The following SNUPN variants were observed in gnomAD, a reference collection of about 807,000 sequenced individuals.
SNUPN encodes the protein snurportin 1, also known as snurportin-1.
A neutral mutation model predicts 39.2 loss-of-function variants in SNUPN; 31 were observed. That is an observed-to-expected ratio of 0.79 (90% CI 0.59 to 1.07). The LOEUF (loss-of-function observed/expected upper bound fraction) is 1.07. SNUPN is among the 50% of genes least tolerant of loss of function. SNUPN has a pLI of 0.00. For synonymous variants in SNUPN, 132 were observed against 159.0 expected, an observed-to-expected ratio of 0.83 and a Z score of 1.28; for missense variants, 382 against 434.2, an observed-to-expected ratio of 0.88 and a Z score of 1.07.
chr15:75,611,700 C>T (rs986662914), intron 3 of SNUPN, among the ~76,000 whole-genome samples: 5 of 151,630 alleles, frequency 3.3e-5, no homozygotes, highest in Non-Finnish European at 7.4e-5. Flanking sequence ...ACTAAAAATA[C>T]AAAAATTAGC....
chr15:75,608,172 A>C (rs959983502), intron 5 of SNUPN, among the ~76,000 whole-genome samples: 3 of 152,288 alleles, frequency 2.0e-5, no homozygotes, highest in African/African-American at 7.2e-5. Flanking sequence ...CTTTGAGCCC[A>C]GGAGTTTCAG....
At chr15:75,616,599 C>G (rs563059316) in intron 3 of SNUPN, among the ~76,000 whole-genome samples, 11 of 152,254 alleles carry the variant, frequency 7.2e-5, no homozygotes, top group African/African-American at 2.4e-4. Context: ...GCCCAGGAAC[C>G]ATATTCTAAA....
intron 2 of SNUPN, among the ~76,000 whole-genome samples, chr15:75,619,022 TAAAAAAAAAAAAAA>T (rs35749195): frequency 5.4e-5 from 4 of 74,380 alleles, no homozygotes; most frequent in Admixed American, 5.1e-4. Context: ...CTACTTGTGT[TAAAAAAAAAAAAAA>T]AAAAAAAAAA....
At chr15:75,601,333 G>A in intron 7 of SNUPN, 115 bp from the exon 8 acceptor site, 1 of 695,510 alleles carries the variant, frequency 1.4e-6, no homozygotes, top group Non-Finnish European at 2.5e-6. Context: ...CCAGCACTTT[G>A]GGAGGCAAAG....
chr15:75,621,133 TATG>T, intron 1 of SNUPN, 77 bp from the exon 2 acceptor site: 1 of 1,381,476 alleles, frequency 7.2e-7, no homozygotes, highest in Admixed American at 2.3e-5. Context: ...GCAGTTATGA[TATG>T]ATGGCCACAT....
intron 1 of SNUPN, chr15:75,622,539 G>GC: frequency 1.1e-6 from 1 of 932,670 alleles, no homozygotes; most frequent in Non-Finnish European, 1.3e-6. Context: ...TCATTCAAGC[G>GC]CCTGTGAGCC....
At chr15:75,624,664 A>T (rs1262597211) in intron 1 of SNUPN, 1 of 1,145,156 alleles carries the variant, frequency 8.7e-7, no homozygotes, top group Admixed American at 3.7e-5. Flanking sequence ...CGTCTCAAAA[A>T]GAAAAAAAAA....
chr15:75,612,183 C>A (rs1165290514), intron 3 of SNUPN, among the ~76,000 whole-genome samples: 1 of 152,114 alleles, frequency 6.6e-6, no homozygotes, highest in Non-Finnish European at 1.5e-5. Flanking sequence ...CAGGCACACG[C>A]CACTACGCCC....
At chr15:75,616,052 T>C (rs1301163684) in intron 3 of SNUPN, among the ~76,000 whole-genome samples, 2 of 152,132 alleles carry the variant, frequency 1.3e-5, no homozygotes, top group Non-Finnish European at 2.9e-5. Flanking sequence ...TGAACAAAAT[T>C]GAATTGTACT....
At chr15:75,600,899 T>C (rs1021782804) in intron 8 of SNUPN, 1 of 416,900 alleles carries the variant, frequency 2.4e-6, no homozygotes, top group Non-Finnish European at 4.4e-6. Flanking sequence ...ATCTGTAAGA[T>C]GAGGGAGTTG....
At chr15:75,607,537 G>A (rs1019038159) in intron 5 of SNUPN, among the ~76,000 whole-genome samples, 1 of 152,158 alleles carries the variant, frequency 6.6e-6, no homozygotes, top group Non-Finnish European at 1.5e-5. Context: ...GACGCATCAA[G>A]GCAAACCTTA....
intron 3 of SNUPN, among the ~76,000 whole-genome samples, chr15:75,610,814 G>C (rs775147937): frequency 1.3e-5 from 2 of 152,158 alleles, no homozygotes; most frequent in Non-Finnish European, 2.9e-5. Context: ...CAAAAACAGT[G>C]ATGTGGTGAA....
In SNUPN at chr15:75,607,228, A is replaced by T; in HGVS notation, c.588T>A (p.Phe196Leu). Residue 196 changes from phenylalanine (F) to leucine (L), a missense_variant, in exon 6 of 9, where the codon TTT becomes TTA. By Grantham distance (22) the Phe-to-Leu change is conservative. Transcript: ENST00000308588. ...LDVMCWRGHP[F>L]YDCQTDFRFY... ...GATCCATCCCTACCTGGCAATCATA[A>T]AAAGGGTGTCCCCGCCAGCACATCA... 6.2e-7 allele frequency: 1 copy of T among 1,612,922 alleles called. No homozygotes were observed. The highest frequency in any genetic ancestry group is 8.5e-7 in the Non-Finnish European group (1 of 1,178,928).
In SNUPN at chr15:75,601,202, A is replaced by T; in HGVS notation, c.695T>A (p.Leu232Gln). 1.2e-6 allele frequency: 2 copies of T among 1,612,468 alleles called. No individual in the cohort carries two copies. The highest frequency in any genetic ancestry group is 1.7e-6 in the Non-Finnish European group (2 of 1,178,564). Reference sequence around the variant, plus strand: ...TTCGGGAGTGCAAGGGAAGTTCTTTAGCCCCACAAATTTAAACTGAAATAG... The same window carrying T: ...TTCGGGAGTGCAAGGGAAGTTCTTTTGCCCCACAAATTTAAACTGAAATAG... ...TKLNPFKFVG[L>Q]KNFPCTPESL... Residue 232 changes from leucine to glutamine, a missense_variant, in exon 8 of 9, where the codon CTA becomes CAA. Leu to Gln is a moderately radical substitution (Grantham distance 113). Coordinates refer to ENST00000308588, the MANE Select transcript of SNUPN (RefSeq NM_005701.4).
rs887027076 is a variant in SNUPN, at chr15:75,603,005, A to G, written c.679-1787T>C. ...CTCAGGCAGTCCACCTGCCTTGGCC[A>G]CCCAAAGTGCTGGGATTACAGATGT... is the stretch of plus-strand genomic sequence containing the variant. On this transcript the variant is annotated intron_variant, in intron 7 of 8. Transcript: ENST00000308588. 4.0e-5 allele frequency among the ~76,000 whole-genome samples: 6 copies of G among 151,002 alleles called. No individual in the cohort carries two copies. In the East Asian group the frequency reaches 1.2e-3, roughly 30 times the overall value.
At chr15:75,606,597 C>G (rs1176428145) in intron 6 of SNUPN, among the ~76,000 whole-genome samples, 2 of 152,182 alleles carry the variant, frequency 1.3e-5, no homozygotes. Context: ...CACCTGATGA[C>G]TGCTGCTGTT....
At chr15:75,613,642 C>CA (rs58623437) in intron 3 of SNUPN, among the ~76,000 whole-genome samples, 121,696 of 128,580 alleles carry the variant, frequency 0.95, 57,580 homozygotes, top group East Asian at 0.98. Context: ...GACTCCAACT[C>CA]AAAAAAAAAA....
chr15:75,612,778 C>T (rs1215985826), intron 3 of SNUPN, among the ~76,000 whole-genome samples: 1 of 152,024 alleles, frequency 6.6e-6, no homozygotes, highest in Non-Finnish European at 1.5e-5. Context: ...CGTCTCATAA[C>T]CTTGTTAATG....
chr15:75,624,753 C>G (rs1173283426), intron 1 of SNUPN: 1 of 1,280,600 alleles, frequency 7.8e-7, no homozygotes, highest in Non-Finnish European at 1.0e-6. Context: ...CCTGCTGTTT[C>G]GTTTTGTTTT....
Sources: gnomAD v4.1 joint callset for allele counts (sites outside exome capture counted in the v4.1 genomes callset) on GRCh38, gnomAD v4.1.1 for gene constraint, MANE v1.5 for transcripts, NCBI Gene and HGNC (gene_info 2026-07-23, HGNC 2026-07-21) for gene names.